The following MEGF9 variants were observed in gnomAD, a reference collection of about 807,000 sequenced individuals.
MEGF9 encodes multiple EGF like domains 9.
In MEGF9, 6 loss-of-function variants were observed where a neutral mutation model predicts 46.8. The ratio of observed to expected loss-of-function variants is 0.13; its 90% CI spans 0.07 to 0.25. The LOEUF (loss-of-function observed/expected upper bound fraction) is 0.25, where lower values mean the gene tolerates loss of function less well. Ranked by LOEUF, MEGF9 falls within the 10% of genes least tolerant of loss-of-function variation. MEGF9 has a pLI of 1.00. For missense variants in MEGF9, 683 were observed against 792.4 expected, an observed-to-expected ratio of 0.86 and a Z score of 1.66; for synonymous variants, 302 against 330.7, an observed-to-expected ratio of 0.91 and a Z score of 0.94.
intron 4 of MEGF9, among the ~76,000 whole-genome samples, 164 bp from the exon 5 acceptor site, chr9:120,608,174 T>G (rs1303232159): frequency 6.6e-6 from 1 of 152,172 alleles, no homozygotes; most frequent in African/African-American, 2.4e-5. Context: ...GGCAACATGA[T>G]GAGACCCTGT....
At chr9:120,703,335 A>G (rs568914965) in intron 1 of MEGF9, among the ~76,000 whole-genome samples, 4 of 152,358 alleles carry the variant, frequency 2.6e-5, no homozygotes, top group Admixed American at 6.5e-5. Context: ...CAGCAGAGGT[A>G]TAACTGTGAA....
At chr9:120,627,619 C>A (rs143028703) in intron 2 of MEGF9, among the ~76,000 whole-genome samples, 1 of 152,088 alleles carries the variant, frequency 6.6e-6, no homozygotes, top group Non-Finnish European at 1.5e-5. Flanking sequence ...TGCACTATCA[C>A]GCCCGGCTAA....
rs1298299396 is a variant in MEGF9, at chr9:120,601,593, CCT to C, written c.*3595_*3596del. 1 of 152,182 alleles carries C rather than the reference CCT, an allele frequency of 6.6e-6. No homozygotes were observed. Among genetic ancestry groups the C allele is most frequent in the Non-Finnish European group, 1.5e-5 (1 of 68,036 alleles). The allele number at this position is 152,182 out of a possible 1,614,324, so 9.4% of individuals were successfully genotyped here. ...GTGTCTACAAATGTTGTCTAAAAAA[CCT>C]CTCTCCTCTCATCCCATGTTTCCTC... is the stretch of plus-strand genomic sequence containing the variant. On this transcript the variant is annotated 3_prime_UTR_variant, in exon 6 of 6. Coordinates refer to ENST00000373930, the MANE Select transcript of MEGF9 (RefSeq NM_001080497.3).
chr9:120,629,054 C>T (rs2043539599), intron 2 of MEGF9, among the ~76,000 whole-genome samples: 1 of 152,160 alleles, frequency 6.6e-6, no homozygotes, highest in Non-Finnish European at 1.5e-5. Context: ...CAGCTCACTG[C>T]AGCCTCAACC....
intron 2 of MEGF9, among the ~76,000 whole-genome samples, chr9:120,653,037 C>G (rs1302138023): frequency 1.3e-5 from 2 of 152,236 alleles, no homozygotes; most frequent in Non-Finnish European, 1.5e-5. Flanking sequence ...CGCTCCCTTT[C>G]TACTACACGT....
intron 1 of MEGF9, among the ~76,000 whole-genome samples, chr9:120,667,606 A>C (rs2043730831): frequency 6.6e-6 from 1 of 152,230 alleles, no homozygotes; most frequent in Non-Finnish European, 1.5e-5. Flanking sequence ...TCACAAGCCT[A>C]GGATTGGATC....
chr9:120,688,647 G>C (rs1390145083), intron 1 of MEGF9, among the ~76,000 whole-genome samples: 1 of 152,290 alleles, frequency 6.6e-6, no homozygotes, highest in South Asian at 2.1e-4. Context: ...AGGAAAAACA[G>C]CAGGAAAGGG....
intron 1 of MEGF9, among the ~76,000 whole-genome samples, chr9:120,692,693 C>G (rs1437920185): frequency 6.6e-6 from 1 of 152,240 alleles, no homozygotes; most frequent in Admixed American, 6.5e-5. Flanking sequence ...CTCCCCTACT[C>G]GAGCCACTCA....
intron 1 of MEGF9, among the ~76,000 whole-genome samples, chr9:120,676,519 T>C (rs1471009502): frequency 6.6e-6 from 1 of 152,196 alleles, no homozygotes; most frequent in Non-Finnish European, 1.5e-5. Context: ...TTTTGAGATA[T>C]CCATACAGAC....
chr9:120,608,820 T>C (rs998096064), intron 4 of MEGF9, among the ~76,000 whole-genome samples: 5 of 152,184 alleles, frequency 3.3e-5, no homozygotes, highest in African/African-American at 1.2e-4. Flanking sequence ...CTCAATCCTC[T>C]TCCTCCATAT....
intron 1 of MEGF9, among the ~76,000 whole-genome samples, chr9:120,709,339 C>T (rs1214257210): frequency 1.3e-5 from 2 of 151,618 alleles, no homozygotes; most frequent in Admixed American, 1.3e-4. Context: ...CCTGAAACCA[C>T]GAGGCGGAGG....
chr9:120,657,550 A>G (rs1159834010), intron 2 of MEGF9, among the ~76,000 whole-genome samples: 1 of 152,244 alleles, frequency 6.6e-6, no homozygotes, highest in Non-Finnish European at 1.5e-5. Flanking sequence ...ATATGTTTGC[A>G]GAATATTATT....
intron 2 of MEGF9, among the ~76,000 whole-genome samples, chr9:120,641,373 A>G (rs2043602288): frequency 6.6e-6 from 1 of 152,184 alleles, no homozygotes; most frequent in Non-Finnish European, 1.5e-5. Context: ...AGAAAAATCC[A>G]TTTTGCTCAA....
At chr9:120,684,683 C>T (rs1046775128) in intron 1 of MEGF9, among the ~76,000 whole-genome samples, 2 of 152,342 alleles carry the variant, frequency 1.3e-5, no homozygotes, top group Admixed American at 6.5e-5. Context: ...CCTCTTCCAA[C>T]ACCACTGATC....
chr9:120,713,851 G>A lies in MEGF9; in HGVS notation c.508C>T (p.Pro170Ser). Residue 170 changes from proline (P) to serine (S), a missense_variant, in exon 1 of 6, where the codon CCC (proline) becomes TCC (serine). Around this residue, in one of 2 missense-constraint regions of MEGF9, gnomAD observed 370 missense variants for 371.3 expected, o/e 1.00. Transcript: ENST00000373930. ...VATTVPAPTT[P>S]RTPTPDLPSS... The stretch of plus-strand genomic sequence containing the variant: ...GGGAGATCGGGGGTCGGGGTCCGGG[G>A]AGTCGTGGGCGCCGGTACGGTGGTC... The A allele has an allele frequency of 7.7e-7, 1 of 1,302,230 alleles. No individual in the cohort carries two copies. Among genetic ancestry groups the A allele is most frequent in the South Asian group, 2.9e-5 (1 of 34,672 alleles). 80.7% of individuals were successfully genotyped at this position (1,302,230 alleles called of 1,614,324 possible). A position where few individuals can be genotyped will look rare whatever the true frequency, so the allele number is the denominator to read the frequency against.
intron 1 of MEGF9, among the ~76,000 whole-genome samples, chr9:120,668,456 G>C (rs139075030): frequency 1.7e-3 from 264 of 152,254 alleles, no homozygotes; most frequent in African/African-American, 6.0e-3. Context: ...CAATTTACTA[G>C]AGCAAAACAT....
In MEGF9 at chr9:120,605,268, C is replaced by T; in HGVS notation, c.1731G>A (p.Leu577=). 6.2e-7 allele frequency: 1 copy of T among 1,614,068 alleles called. No individual in the cohort carries two copies. The highest frequency in any genetic ancestry group is 8.5e-7 in the Non-Finnish European group (1 of 1,179,904). The change falls in exon 6 of 6, where the codon TTG becomes TTA. Residue 577 remains leucine (L), a synonymous_variant. Coordinates refer to ENST00000373930, the MANE Select transcript of MEGF9 (RefSeq NM_001080497.3). The surrounding 1 kb of genome is among the most constrained non-coding windows in gnomAD (Gnocchi z 4.0). ...DSIPNADVSG[L]LEDDGNEVAP... Reference sequence around the variant, plus strand: ...CCACTTCATTGCCATCATCTTCCAACAATCCCGAAACATCTGCATTGGGAA... The same window carrying T: ...CCACTTCATTGCCATCATCTTCCAATAATCCCGAAACATCTGCATTGGGAA...
intron 1 of MEGF9, among the ~76,000 whole-genome samples, chr9:120,683,342 C>A (rs2043807303): frequency 6.6e-6 from 1 of 152,194 alleles, no homozygotes; most frequent in Non-Finnish European, 1.5e-5. Flanking sequence ...TGGCTGTGAA[C>A]CCACCCAAAT....
intron 2 of MEGF9, among the ~76,000 whole-genome samples, chr9:120,644,796 T>A (rs1029659329): frequency 1.2e-4 from 19 of 152,336 alleles, no homozygotes; most frequent in Non-Finnish European, 2.2e-4. Context: ...AGTAATAATG[T>A]CAGAAGCATT....
Sources: allele counts gnomAD v4.1 joint callset (sites outside exome capture counted in the v4.1 genomes callset), GRCh38; gene constraint gnomAD v4.1.1; regional missense constraint gnomAD v4.1.1; non-coding constraint Gnocchi (gnomAD v3.1); transcripts MANE v1.5; gene names NCBI Gene and HGNC (gene_info 2026-07-23, HGNC 2026-07-21).